The following CNTNAP4 variants were observed in gnomAD, a reference collection of about 807,000 sequenced individuals.
CNTNAP4 encodes the protein contactin associated protein family member 4, also known as contactin-associated protein-like 4.
A neutral mutation model predicts 148.4 loss-of-function variants in CNTNAP4; 98 were observed. The ratio of observed to expected loss-of-function variants is 0.66; its 90% CI spans 0.56 to 0.78. CNTNAP4 has a LOEUF of 0.78. Among genes scored for constraint, CNTNAP4 ranks in the 30% least tolerant of loss-of-function variants. The pLI, the probability that CNTNAP4 is intolerant of heterozygous loss-of-function variation, is 0.00. For synonymous variants in CNTNAP4, 730 were observed against 565.1 expected, an observed-to-expected ratio of 1.29 and a Z score of -4.14; for missense variants, 1,935 against 1,565.6, an observed-to-expected ratio of 1.24 and a Z score of -3.98.
intron 1 of CNTNAP4, among the ~76,000 whole-genome samples, chr16:76,289,057 C>A (rs1959003912): frequency 2.0e-5 from 3 of 146,578 alleles, no homozygotes; most frequent in Admixed American, 2.0e-4. Context: ...CTTTTCCTTT[C>A]CCTCTCACCT....
intron 3 of CNTNAP4, among the ~76,000 whole-genome samples, chr16:76,368,343 A>AT (rs2014399608): frequency 6.6e-6 from 1 of 152,260 alleles, no homozygotes; most frequent in African/African-American, 2.4e-5. Flanking sequence ...GAAAAGGATT[A>AT]TAAGTTATTC....
At chr16:76,424,919 T>G (rs1324418617) in intron 3 of CNTNAP4, among the ~76,000 whole-genome samples, 4 of 152,040 alleles carry the variant, frequency 2.6e-5, no homozygotes, top group Non-Finnish European at 5.9e-5. Context: ...TAAAAGAAAT[T>G]GAAATAATCG....
intron 1 of CNTNAP4, among the ~76,000 whole-genome samples, chr16:76,284,760 C>A (rs1958816352): frequency 6.6e-6 from 1 of 151,892 alleles, no homozygotes; most frequent in Non-Finnish European, 1.5e-5. Context: ...AATATGCATG[C>A]CTGTATGTGT....
chr16:76,338,080 G>A (rs1288657045), intron 2 of CNTNAP4, among the ~76,000 whole-genome samples: 2 of 152,062 alleles, frequency 1.3e-5, no homozygotes, highest in Admixed American at 6.6e-5. Context: ...AAAGATGACG[G>A]GATTAAGAGA....
chr16:76,490,372 T>C (rs746973842), intron 13 of CNTNAP4, among the ~76,000 whole-genome samples: 12 of 152,208 alleles, frequency 7.9e-5, no homozygotes, highest in Non-Finnish European at 1.5e-4. Context: ...ATTCACTAGT[T>C]CAAGGAGGAA....
chr16:76,555,717 C>G (rs1289736662), intron 23 of CNTNAP4, among the ~76,000 whole-genome samples: 1 of 152,154 alleles, frequency 6.6e-6, no homozygotes, highest in African/African-American at 2.4e-5. Context: ...ATAAGTCATC[C>G]TAAAGTTATT....
rs540671095 is a variant in CNTNAP4 at position 76,330,471 on chromosome 16, C to G, written c.196+13948C>G. Among the ~76,000 whole-genome samples, 111 of 152,256 alleles carry G rather than the reference C, an allele frequency of 7.3e-4. 1 individual carries two copies. The highest frequency in any genetic ancestry group is 2.5e-3 in the African/African-American group (104 of 41,542). On this transcript the variant is annotated intron_variant, in intron 2 of 23. Coordinates refer to ENST00000611870, the MANE Select transcript of CNTNAP4 (RefSeq NM_033401.5). ...GTGTGCCTGCTTATGACTTTCAACC[C>G]CATCTCCATTGCCTATACTGGTGTT...
intron 3 of CNTNAP4, among the ~76,000 whole-genome samples, chr16:76,384,905 T>C (rs1157176471): frequency 2.0e-5 from 3 of 152,190 alleles, no homozygotes; most frequent in East Asian, 1.9e-4. Context: ...TATTTTTCAA[T>C]ACATGAGCCA....
intron 3 of CNTNAP4, among the ~76,000 whole-genome samples, chr16:76,375,895 G>T (rs934752200): frequency 1.2e-4 from 19 of 152,194 alleles, no homozygotes; most frequent in African/African-American, 4.3e-4. Flanking sequence ...TGTCATCTCT[G>T]TTATCAGATT....
At position 76,558,578 on chromosome 16, in the gene CNTNAP4, T is replaced by C. The variant is rs1405539172; in HGVS notation, c.3822T>C (p.Ser1274=). The change falls in exon 24 of 24, where the codon AGT becomes AGC. Residue 1274 remains serine (S), a synonymous_variant. Coordinates refer to ENST00000611870, the MANE Select transcript of CNTNAP4 (RefSeq NM_033401.5). ...IYQQKRLYKR[S]EAKRSENVDS... Reference sequence around the variant, plus strand: ...AGCAGAAAAGGTTATATAAAAGAAGTGAGGCAAAAAGGTCAGAGAATGTAG... The same window carrying C: ...AGCAGAAAAGGTTATATAAAAGAAGCGAGGCAAAAAGGTCAGAGAATGTAG... 1.2e-6 allele frequency: 2 copies of C among 1,612,946 alleles called. No individual in the cohort carries two copies. Among genetic ancestry groups the C allele is most frequent in the Non-Finnish European group, 1.7e-6 (2 of 1,179,116 alleles).
At chr16:76,420,256 A>C in intron 3 of CNTNAP4, among the ~76,000 whole-genome samples, 1 of 152,038 alleles carries the variant, frequency 6.6e-6, no homozygotes, top group Non-Finnish European at 1.5e-5. Flanking sequence ...ATATATTAGA[A>C]TAATGTATAT....
At chr16:76,449,174 C>CT (rs1372979971) in intron 6 of CNTNAP4, among the ~76,000 whole-genome samples, 2 of 152,034 alleles carry the variant, frequency 1.3e-5, no homozygotes, top group East Asian at 3.9e-4. Context: ...GGGAGATGAT[C>CT]TTTTTTACCT....
chr16:76,374,766 T>G (rs1054656851), intron 3 of CNTNAP4, among the ~76,000 whole-genome samples: 183 of 145,760 alleles, frequency 1.3e-3, no homozygotes, highest in African/African-American at 4.4e-3. Context: ...ATTATTATTA[T>G]TATTATTATT....
chr16:76,513,312 T>C (rs2083101898), intron 15 of CNTNAP4, among the ~76,000 whole-genome samples: 1 of 152,030 alleles, frequency 6.6e-6, no homozygotes. Flanking sequence ...GATGTATTAT[T>C]GGGGAGAGGA....
intron 3 of CNTNAP4, among the ~76,000 whole-genome samples, chr16:76,392,105 T>C (rs780363029): frequency 6.6e-6 from 1 of 152,174 alleles, no homozygotes. Flanking sequence ...GGGATTCTCC[T>C]GCCTCAGCCT....
chr16:76,449,679 C>T, intron 6 of CNTNAP4, 36 bp from the exon 7 acceptor site: 4 of 1,507,674 alleles, frequency 2.7e-6, no homozygotes, highest in Non-Finnish European at 3.5e-6. Flanking sequence ...TAGAAAATCA[C>T]TAAACAATAT....
At chr16:76,501,171 C>G (rs7350828) in intron 15 of CNTNAP4, among the ~76,000 whole-genome samples, 1 of 152,076 alleles carries the variant, frequency 6.6e-6, no homozygotes, top group Non-Finnish European at 1.5e-5. Context: ...GAGCCTTACA[C>G]AATCCCATGA....
chr16:76,303,231 T>C (rs920045955), intron 1 of CNTNAP4, among the ~76,000 whole-genome samples: 5 of 152,198 alleles, frequency 3.3e-5, no homozygotes, highest in African/African-American at 1.2e-4. Context: ...GAAATAGCTA[T>C]TTATTAAACT....
chr16:76,476,245 A>G (rs540884119), intron 11 of CNTNAP4, among the ~76,000 whole-genome samples, 200 bp downstream of exon 11: 2 of 152,332 alleles, frequency 1.3e-5, no homozygotes, highest in Admixed American at 6.5e-5. Flanking sequence ...GAAAATACAT[A>G]TAGAAGATGA....
Sources: allele counts gnomAD v4.1 joint callset (sites outside exome capture counted in the v4.1 genomes callset), GRCh38; gene constraint gnomAD v4.1.1; transcripts MANE v1.5; gene names NCBI Gene and HGNC (gene_info 2026-07-23, HGNC 2026-07-21).